The following ANKHD1 variants were observed in gnomAD, a reference collection of about 807,000 sequenced individuals.
ANKHD1 encodes ankyrin repeat and KH domain containing 1.
In ANKHD1, 31 loss-of-function variants were observed where a neutral mutation model predicts 230.5. The ratio of observed to expected loss-of-function variants is 0.13; its 90% CI spans 0.10 to 0.18. The LOEUF (loss-of-function observed/expected upper bound fraction) is 0.18. Among genes scored for constraint, ANKHD1 ranks in the 10% least tolerant of loss-of-function variants. The probability of loss-of-function intolerance (pLI) is 1.00; values close to 1 mark genes in which losing one functional copy is unlikely to be tolerated. For missense variants in ANKHD1, 2,256 were observed against 3,071.3 expected, an observed-to-expected ratio of 0.73 and a Z score of 6.27; for synonymous variants, 1,074 against 1,117.6, an observed-to-expected ratio of 0.96 and a Z score of 0.78.
At chr5:140,428,858 C>T (rs1772778130) in intron 1 of ANKHD1, among the ~76,000 whole-genome samples, 1 of 151,818 alleles carries the variant, frequency 6.6e-6, no homozygotes, top group South Asian at 2.1e-4. Context: ...TCTTGGCTCA[C>T]TGCAACCTCT....
chr5:140,421,992 C>T (rs1463121220), intron 1 of ANKHD1, among the ~76,000 whole-genome samples: 1 of 152,182 alleles, frequency 6.6e-6, no homozygotes, highest in African/African-American at 2.4e-5. Context: ...ATTATTCACT[C>T]ATTCTCTACA....
intron 1 of ANKHD1, among the ~76,000 whole-genome samples, chr5:140,421,296 CTTTTTTTT>C (rs35408466): frequency 1.1e-4 from 10 of 94,526 alleles, no homozygotes; most frequent in South Asian, 7.5e-4. Context: ...AGAGTTTTTA[CTTTTTTTT>C]TTTTTTTTTT....
intron 1 of ANKHD1, among the ~76,000 whole-genome samples, chr5:140,435,620 C>T (rs181072478): frequency 6.6e-6 from 1 of 152,170 alleles, no homozygotes; most frequent in Non-Finnish European, 1.5e-5. Flanking sequence ...CCCAGGTAAT[C>T]CCCCTGCCTC....
At chr5:140,504,634 A>T in intron 15 of ANKHD1, 187 bp from the exon 16 acceptor site, 2 of 750,180 alleles carry the variant, frequency 2.7e-6, no homozygotes, top group Non-Finnish European at 4.0e-6. Flanking sequence ...AAGTTAAATT[A>T]CTTGCCCAAG....
chr5:140,526,868 C>T, intron 26 of ANKHD1, 60 bp from the exon 27 acceptor site: 1 of 1,532,472 alleles, frequency 6.5e-7, no homozygotes, highest in Non-Finnish European at 8.7e-7. Context: ...AAGGAATAGT[C>T]TCTTGAGTTT....
intron 24 of ANKHD1, among the ~76,000 whole-genome samples, chr5:140,516,624 G>A (rs541536096): frequency 9.2e-5 from 14 of 152,128 alleles, no homozygotes; most frequent in Admixed American, 2.6e-4. Context: ...AAGAGAGTGG[G>A]GGCCAATATT....
Position 140,434,456 on chromosome 5 carries a change from G to A in ANKHD1, c.307-1648G>A, listed in dbSNP as rs528765717. On this transcript the variant is annotated intron_variant, in intron 1 of 33. Transcript: ENST00000360839. ...TGTATATTATACAAATTACATATAT[G>A]CCATACATGTTATATGTATATACGT... 2.0e-5 allele frequency among the ~76,000 whole-genome samples: 3 copies of A among 148,998 alleles called. No homozygotes were observed. The East Asian group carries it at 5.8e-4, about 29-fold the overall frequency.
chr5:140,442,107 T>G (rs1773901390), intron 5 of ANKHD1, among the ~76,000 whole-genome samples: 1 of 149,902 alleles, frequency 6.7e-6, no homozygotes, highest in African/African-American at 2.5e-5. Context: ...TGGCACGATC[T>G]TGGCTCACTG....
intron 1 of ANKHD1, among the ~76,000 whole-genome samples, chr5:140,413,097 A>G (rs893334966): frequency 2.0e-5 from 3 of 152,236 alleles, no homozygotes; most frequent in African/African-American, 7.2e-5. Flanking sequence ...GTATATCCCT[A>G]GAGGTTACCC....
At chr5:140,452,143 C>G (rs1774795747) in intron 7 of ANKHD1, among the ~76,000 whole-genome samples, 1 of 152,150 alleles carries the variant, frequency 6.6e-6, no homozygotes, top group Non-Finnish European at 1.5e-5. Context: ...AGTCTGAGAT[C>G]AAACTGCAAG....
intron 7 of ANKHD1, among the ~76,000 whole-genome samples, chr5:140,450,972 G>T (rs1774688990): frequency 6.6e-6 from 1 of 151,988 alleles, no homozygotes; most frequent in Non-Finnish European, 1.5e-5. Context: ...GGCCAACATG[G>T]TGAAACCCCA....
At chr5:140,494,918 GT>G (rs1176661481) in intron 14 of ANKHD1, among the ~76,000 whole-genome samples, 6 of 152,052 alleles carry the variant, frequency 3.9e-5, no homozygotes, top group African/African-American at 1.4e-4. Flanking sequence ...AAGTTCCCTT[GT>G]TTTAAATGTA....
At chr5:140,415,439 CTTTTTTTT>C (rs1293254094) in intron 1 of ANKHD1, among the ~76,000 whole-genome samples, 1 of 136,380 alleles carries the variant, frequency 7.3e-6, no homozygotes, top group African/African-American at 2.7e-5. Flanking sequence ...TTTGATACCT[CTTTTTTTT>C]TTTTTTTTTG....
At position 140,418,181 on chromosome 5, in the gene ANKHD1, G is replaced by C. The variant is rs2126865032; in HGVS notation, c.306+15908G>C. 2.2e-5 allele frequency among the ~76,000 whole-genome samples: 3 copies of C among 136,092 alleles called. No homozygotes were observed. The Middle Eastern group carries it at 0.014, about 636-fold the overall frequency. 89.3% of individuals were successfully genotyped at this position (136,092 alleles called of 152,430 possible). ...TTTTTTTTTGAGATAGGATCTCACT[G>C]TCACCTAACCTGGAGTTAAGAGTGG... is the stretch of plus-strand genomic sequence containing the variant. On this transcript the variant is annotated intron_variant, in intron 1 of 33. Transcript: ENST00000360839.
intron 26 of ANKHD1, 112 bp from the exon 27 acceptor site, chr5:140,526,816 G>T: frequency 7.3e-7 from 1 of 1,375,210 alleles, no homozygotes; most frequent in Non-Finnish European, 9.5e-7. Flanking sequence ...TATTTGATGT[G>T]CCAAAGTTTA....
chr5:140,405,713 A>T (rs996370447), intron 1 of ANKHD1, among the ~76,000 whole-genome samples: 1 of 151,880 alleles, frequency 6.6e-6, no homozygotes, highest in African/African-American at 2.4e-5. Context: ...GCTCACTGCA[A>T]CCTCCGCCTC....
rs368390367 is a variant in ANKHD1, at chr5:140,487,025, A to G, written c.2210A>G (p.Gln737Arg). The change falls in exon 14 of 34, where the codon CAG (glutamine) becomes CGG (arginine). Residue 737 changes from glutamine (Q) to arginine (R), a missense_variant. Around this residue, in one of 13 missense-constraint regions of ANKHD1, gnomAD observed 358 missense variants for 397.7 expected, o/e 0.90. Transcript: ENST00000360839. ...CCCCAGGAACCTGACAGAACTTCACAGGAGAACTCTCCTGCCCTTTTAGGA... is the reference window on the plus strand; with the variant it reads ...CCCCAGGAACCTGACAGAACTTCACGGGAGAACTCTCCTGCCCTTTTAGGA... ...VPPQEPDRTS[Q>R]ENSPALLGVQ... 6.8e-6 allele frequency: 11 copies of G among 1,613,588 alleles called. No homozygotes were observed. Among genetic ancestry groups the G allele is most frequent in the Middle Eastern group, 1.7e-4 (1 of 6,050 alleles).
intron 3 of ANKHD1, among the ~76,000 whole-genome samples, chr5:140,439,017 T>C (rs1773655667): frequency 6.6e-6 from 1 of 152,216 alleles, no homozygotes; most frequent in Non-Finnish European, 1.5e-5. Flanking sequence ...ATATGGTCCA[T>C]GGACTGGCAG....
intron 1 of ANKHD1, among the ~76,000 whole-genome samples, chr5:140,429,606 A>G (rs940707319): frequency 5.9e-5 from 9 of 152,174 alleles, no homozygotes; most frequent in African/African-American, 2.2e-4. Flanking sequence ...TGACCACAGG[A>G]CTAGAGAATA....
Sources: gnomAD v4.1 joint callset for allele counts (sites outside exome capture counted in the v4.1 genomes callset) on GRCh38, gnomAD v4.1.1 for gene constraint, gnomAD v4.1.1 regional missense constraint, MANE v1.5 for transcripts, NCBI Gene and HGNC (gene_info 2026-07-23, HGNC 2026-07-21) for gene names.